Variants in PRKG1 observed in about 807,000 individuals in gnomAD.
PRKG1 encodes the protein cGMP-dependent protein kinase 1.
A neutral mutation model predicts 88.1 loss-of-function variants in PRKG1; 35 were observed. The observed-to-expected ratio is 0.40, with a 90% CI of 0.30 to 0.53. The LOEUF (loss-of-function observed/expected upper bound fraction) is 0.53, where lower values mean the gene tolerates loss of function less well. Among genes scored for constraint, PRKG1 ranks in the 20% least tolerant of loss-of-function variants. PRKG1 has a pLI of 0.59. For missense variants in PRKG1, 540 were observed against 839.8 expected (o/e 0.64, Z 4.41); for synonymous variants, 303 against 292.5 (o/e 1.04, Z -0.37).
intron 4 of PRKG1, among the ~76,000 whole-genome samples, chr10:51,807,005 C>T (rs1485156627): frequency 6.6e-6 from 1 of 152,178 alleles, no homozygotes; most frequent in African/African-American, 2.4e-5. Context: ...GTCTTTCCTC[C>T]TCTGGAGCTT....
At chr10:51,087,871 C>T (rs1472182937) in intron 1 of PRKG1, among the ~76,000 whole-genome samples, 1 of 152,148 alleles carries the variant, frequency 6.6e-6, no homozygotes, top group Non-Finnish European at 1.5e-5. Context: ...ATCAAGCGGT[C>T]CTCCTGCCTC....
chr10:51,860,368 G>A (rs2132832728), intron 4 of PRKG1, among the ~76,000 whole-genome samples: 1 of 152,328 alleles, frequency 6.6e-6, no homozygotes, highest in South Asian at 2.1e-4. Flanking sequence ...AATATCATCA[G>A]AGGCTAGCTG....
chr10:51,751,869 A>G (rs1837734509), intron 3 of PRKG1, among the ~76,000 whole-genome samples: 1 of 152,070 alleles, frequency 6.6e-6, no homozygotes, highest in South Asian at 2.1e-4. Flanking sequence ...CCTGGCCTAC[A>G]TAAGTATTTG....
At chr10:52,073,492 T>A (rs1053602087) in intron 7 of PRKG1, among the ~76,000 whole-genome samples, 3 of 152,232 alleles carry the variant, frequency 2.0e-5, no homozygotes, top group African/African-American at 7.2e-5. Context: ...ATCTATGCTG[T>A]AATCATACTG....
At chr10:52,036,945 G>C (rs916389718) in intron 5 of PRKG1, among the ~76,000 whole-genome samples, 169 of 151,908 alleles carry the variant, frequency 1.1e-3, no homozygotes, top group Non-Finnish European at 1.9e-3. Flanking sequence ...AAGGGGACGG[G>C]CTTACCTTCC....
intron 2 of PRKG1, among the ~76,000 whole-genome samples, chr10:51,409,411 A>T (rs917844048): frequency 1.3e-5 from 2 of 152,096 alleles, no homozygotes; most frequent in Non-Finnish European, 2.9e-5. Flanking sequence ...TTTCCGTTCG[A>T]TGATTGAATG....
intron 1 of PRKG1, among the ~76,000 whole-genome samples, chr10:51,004,837 A>G (rs1842925380): frequency 6.6e-6 from 1 of 152,232 alleles, no homozygotes; most frequent in East Asian, 1.9e-4. Context: ...TAAAATAACC[A>G]CAAGTCCTTC....
intron 4 of PRKG1, among the ~76,000 whole-genome samples, chr10:51,857,967 A>G (rs1169505620): frequency 1.3e-5 from 2 of 148,148 alleles, no homozygotes; most frequent in African/African-American, 5.0e-5. Flanking sequence ...TAGATTCTCT[A>G]TGTTGTTTTT....
chr10:51,105,080 A>G lies in PRKG1; in HGVS notation c.311+30179A>G, dbSNP rs558220905. Reference sequence around the variant, plus strand: ...GAGATGGGATTTCACAGTGGTGGCCAGGCTGGTCTCGAACTTCTGGCCCGA... The same window carrying G: ...GAGATGGGATTTCACAGTGGTGGCCGGGCTGGTCTCGAACTTCTGGCCCGA... On this transcript the variant is annotated intron_variant, in intron 1 of 17. Coordinates refer to ENST00000373980, the MANE Select transcript of PRKG1 (RefSeq NM_006258.4). Among the ~76,000 whole-genome samples, 3 of 152,268 alleles carry G rather than the reference A, an allele frequency of 2.0e-5. No homozygotes were observed. In the South Asian group the frequency reaches 6.2e-4, roughly 32 times the overall value.
intron 1 of PRKG1, among the ~76,000 whole-genome samples, chr10:51,025,245 T>TC (rs1843189677): frequency 6.6e-6 from 1 of 152,120 alleles, no homozygotes; most frequent in South Asian, 2.1e-4. Context: ...AAACTTCTCC[T>TC]CCCCCAGCTT....
intron 3 of PRKG1, among the ~76,000 whole-genome samples, chr10:51,767,557 G>A (rs1016570008): frequency 5.3e-5 from 8 of 152,086 alleles, no homozygotes; most frequent in African/African-American, 1.7e-4. Flanking sequence ...GAAGACTTGG[G>A]TTTCAGGACA....
chr10:52,174,983 T>C (rs1414531526), intron 9 of PRKG1, among the ~76,000 whole-genome samples: 1 of 152,112 alleles, frequency 6.6e-6, no homozygotes, highest in African/African-American at 2.4e-5. Flanking sequence ...CAAACATTTA[T>C]GATTTCTCTG....
chr10:52,139,331 A>G (rs1205239483), intron 8 of PRKG1, among the ~76,000 whole-genome samples: 1 of 152,122 alleles, frequency 6.6e-6, no homozygotes, highest in Non-Finnish European at 1.5e-5. Context: ...TGCCTTCCAC[A>G]TGTAGCCTCT....
chr10:51,229,612 G>T (rs956952013), intron 2 of PRKG1, among the ~76,000 whole-genome samples: 3 of 152,056 alleles, frequency 2.0e-5, no homozygotes, highest in Admixed American at 6.6e-5. Context: ...ACATAAAAAT[G>T]GGACTAAAAG....
chr10:51,858,718 A>T (rs1384445187), intron 4 of PRKG1, among the ~76,000 whole-genome samples: 1 of 151,742 alleles, frequency 6.6e-6, no homozygotes, highest in Non-Finnish European at 1.5e-5. Context: ...GGTGCCACAG[A>T]TGGTGAAGGA....
intron 4 of PRKG1, among the ~76,000 whole-genome samples, chr10:51,808,466 A>G (rs563301927): frequency 1.8e-4 from 27 of 152,058 alleles, no homozygotes; most frequent in Non-Finnish European, 3.1e-4. Context: ...TACCAGGTGC[A>G]GTGGCATGTG....
chr10:51,537,974 A>C (rs1337977888), intron 3 of PRKG1, among the ~76,000 whole-genome samples: 1 of 152,214 alleles, frequency 6.6e-6, no homozygotes, highest in African/African-American at 2.4e-5. Flanking sequence ...ATGTATAAAA[A>C]TATTCTGCTT....
intron 5 of PRKG1, among the ~76,000 whole-genome samples, chr10:51,932,568 C>G (rs1842717110): frequency 6.6e-6 from 1 of 152,112 alleles, no homozygotes; most frequent in African/African-American, 2.4e-5. Flanking sequence ...GCTGCTCTGC[C>G]TTGCCCTCTA....
intron 3 of PRKG1, among the ~76,000 whole-genome samples, chr10:51,562,151 G>A (rs1372240622): frequency 6.6e-6 from 1 of 151,866 alleles, no homozygotes; most frequent in Non-Finnish European, 1.5e-5. Context: ...TTGAGCCCAG[G>A]AGGAGGAGGT....
Sources: allele counts gnomAD v4.1 joint callset (sites outside exome capture counted in the v4.1 genomes callset), GRCh38; gene constraint gnomAD v4.1.1; transcripts MANE v1.5; gene names NCBI Gene and HGNC (gene_info 2026-07-23, HGNC 2026-07-21).